The following SP4 variants were observed in gnomAD, a reference collection of about 807,000 sequenced individuals.
The protein encoded by SP4 is transcription factor Sp4.
In SP4, 19 loss-of-function variants were observed where a neutral mutation model predicts 72.8. The ratio of observed to expected loss-of-function variants is 0.26; its 90% CI spans 0.18 to 0.38. The LOEUF is 0.38. Among genes scored for constraint, SP4 ranks in the 10% least tolerant of loss-of-function variants. The pLI is 1.00. For missense variants in SP4, 1,008 were observed against 926.3 expected, an observed-to-expected ratio of 1.09 and a Z score of -1.14; for synonymous variants, 395 against 333.1, an observed-to-expected ratio of 1.19 and a Z score of -2.02.
chr7:21,441,567 A>G (rs918496157), intron 3 of SP4, among the ~76,000 whole-genome samples: 18 of 152,254 alleles, frequency 1.2e-4, no homozygotes, highest in Non-Finnish European at 2.6e-4. Context: ...ATTGAGTAAA[A>G]ATATTTGCAA....
At chr7:21,479,385 G>C (rs1040253251) in intron 4 of SP4, among the ~76,000 whole-genome samples, 6 of 151,954 alleles carry the variant, frequency 3.9e-5, no homozygotes, top group Non-Finnish European at 8.8e-5. Flanking sequence ...TTGTTGAAAA[G>C]ACTGTCCTTT....
intron 5 of SP4, among the ~76,000 whole-genome samples, chr7:21,488,073 C>T (rs78114309): frequency 0.035 from 5,347 of 152,056 alleles, 341 homozygotes; most frequent in East Asian, 0.25. Flanking sequence ...CAGTGTTGCC[C>T]AGGCTGGTGT....
At position 21,514,195 on chromosome 7, in the gene SP4, A is replaced by G. The variant is rs1412560495; in HGVS notation, c.*2926A>G. 1 of 152,752 alleles carries G rather than the reference A, an allele frequency of 6.5e-6. No homozygotes were observed. Among genetic ancestry groups the G allele is most frequent in the African/African-American group, 2.4e-5 (1 of 41,580 alleles). 9.5% of individuals were successfully genotyped at this position (152,752 alleles called of 1,614,324 possible). On this transcript the variant is annotated 3_prime_UTR_variant, in exon 6 of 6. Coordinates refer to ENST00000222584, the MANE Select transcript of SP4 (RefSeq NM_003112.5). ...ATTAGAACTTGATGTTAAGTCATTT[A>G]TCACACTCTCATGAGAGCAGTAATA... is the stretch of plus-strand genomic sequence containing the variant.
In SP4 at chr7:21,428,220, C is replaced by T; in HGVS notation, c.-32C>T. 6.1e-6 allele frequency: 6 copies of T among 984,084 alleles called. No homozygotes were observed. Among genetic ancestry groups the T allele is most frequent in the South Asian group, 1.3e-5 (1 of 74,164 alleles). 61.0% of individuals were successfully genotyped at this position (984,084 alleles called of 1,614,324 possible). A position where few individuals can be genotyped will look rare whatever the true frequency, so the allele number is the denominator to read the frequency against. ...CCCCCACCCACCTCTATCCCAGTGT[C>T]TCCGTCTGAGGGTTTGTCCTGTTAA... On this transcript the variant is annotated 5_prime_UTR_variant, in exon 1 of 6. Transcript: ENST00000222584.
chr7:21,485,575 A>G (rs981234767), intron 5 of SP4, among the ~76,000 whole-genome samples: 1 of 151,976 alleles, frequency 6.6e-6, no homozygotes, highest in Non-Finnish European at 1.5e-5. Context: ...TATACTATCT[A>G]TTGAGTTCTT....
At chr7:21,482,182 T>C in intron 5 of SP4, 59 bp downstream of exon 5, 1 of 1,363,750 alleles carries the variant, frequency 7.3e-7, no homozygotes, top group Non-Finnish European at 1.0e-6. Context: ...ACATGAAAAT[T>C]TTAGTGATAG....
At chr7:21,483,794 T>A (rs961343814) in intron 5 of SP4, among the ~76,000 whole-genome samples, 18 of 151,918 alleles carry the variant, frequency 1.2e-4, no homozygotes, top group African/African-American at 3.6e-4. Context: ...TTTCTTTATT[T>A]TTTTTTCTTT....
chr7:21,498,192 T>A (rs10258911), intron 5 of SP4, among the ~76,000 whole-genome samples: 3,319 of 152,118 alleles, frequency 0.022, 129 homozygotes, highest in African/African-American at 0.075. Flanking sequence ...AAATAAAAAC[T>A]GTAAAAAATA....
At chr7:21,470,841 A>T (rs1258609918) in intron 3 of SP4, among the ~76,000 whole-genome samples, 1 of 152,112 alleles carries the variant, frequency 6.6e-6, no homozygotes, top group Non-Finnish European at 1.5e-5. Flanking sequence ...ACCTCTGGTA[A>T]TGTGGAAGAA....
Position 21,506,403 on chromosome 7 carries a change from A to C in SP4, c.2108-4619A>C, listed in dbSNP as rs1410164256. 2.0e-5 allele frequency among the ~76,000 whole-genome samples: 3 copies of C among 152,176 alleles called. No homozygotes were observed. In the East Asian group the frequency reaches 5.8e-4, roughly 29 times the overall value. On this transcript the variant is annotated intron_variant, in intron 5 of 5. Transcript: ENST00000222584. ...AGGGGTATCACCTTTTCTTTTTTCC[A>C]TTTAGGACATCCTCTCTTCAAATGC...
intron 3 of SP4, among the ~76,000 whole-genome samples, chr7:21,439,189 T>C (rs1469418693): frequency 6.6e-6 from 1 of 152,234 alleles, no homozygotes; most frequent in Non-Finnish European, 1.5e-5. Context: ...ACAATGTGAT[T>C]ACTTTTTCTT....
In SP4 at chr7:21,429,656, A is replaced by G. The variant is rs756883588; in HGVS notation, c.491A>G (p.Gln164Arg). ...IQVQNPSGSV[Q>R]YQVIPQLQTV... is the part of the protein sequence containing the mutation. The stretch of plus-strand genomic sequence containing the variant: ...GTACAAAATCCAAGTGGTAGTGTAC[A>G]GTACCAAGTAATTCCACAACTTCAG... Residue 164 changes from glutamine (Q) to arginine (R), a missense_variant, in exon 3 of 6, where the codon CAG becomes CGG. Gln to Arg is a conservative substitution (Grantham distance 43, BLOSUM62 1). This residue lies in a region of SP4 where 893 missense variants were observed against 743.3 expected (regional missense o/e 1.20). Transcript: ENST00000222584. 7 of 1,614,046 alleles carry G rather than the reference A, an allele frequency of 4.3e-6. No homozygotes were observed. Among genetic ancestry groups the G allele is most frequent in the South Asian group, 1.1e-5 (1 of 91,090 alleles).
At chr7:21,494,230 A>G (rs1237989531) in intron 5 of SP4, among the ~76,000 whole-genome samples, 1 of 152,222 alleles carries the variant, frequency 6.6e-6, no homozygotes, top group African/African-American at 2.4e-5. Context: ...GGAACAAGGT[A>G]AAGACATCTG....
At chr7:21,459,842 C>T (rs1308844973) in intron 3 of SP4, among the ~76,000 whole-genome samples, 1 of 152,216 alleles carries the variant, frequency 6.6e-6, no homozygotes, top group African/African-American at 2.4e-5. Flanking sequence ...TAAGTCTAAG[C>T]ACAAGGCTAA....
rs560472861 is a variant in SP4, at chr7:21,462,591, G to A, written c.1679-14488G>A. Among the ~76,000 whole-genome samples, 4 of 152,022 alleles carry A rather than the reference G, an allele frequency of 2.6e-5. No individual in the cohort carries two copies. In the South Asian group the frequency reaches 6.2e-4, roughly 24 times the overall value. Reference sequence around the variant, plus strand: ...GTTTGTATCTGGAGATTGGTCCTGAGAAGAGATCAGAATCAGCAGTCTAGA... The same window carrying A: ...GTTTGTATCTGGAGATTGGTCCTGAAAAGAGATCAGAATCAGCAGTCTAGA... On this transcript the variant is annotated intron_variant, in intron 3 of 5. Transcript: ENST00000222584.
chr7:21,486,066 G>A (rs1784804930), intron 5 of SP4, among the ~76,000 whole-genome samples: 1 of 151,666 alleles, frequency 6.6e-6, no homozygotes, highest in Non-Finnish European at 1.5e-5. Flanking sequence ...GCTTAATTTG[G>A]TTGTTTGGCT....
intron 3 of SP4, among the ~76,000 whole-genome samples, chr7:21,447,282 CTT>C (rs1343857690): frequency 6.6e-6 from 1 of 152,180 alleles, no homozygotes; most frequent in Non-Finnish European, 1.5e-5. Flanking sequence ...AAACCCAATA[CTT>C]TATACCAAAG....
chr7:21,493,813 A>G (rs1785039301), intron 5 of SP4, among the ~76,000 whole-genome samples: 1 of 152,240 alleles, frequency 6.6e-6, no homozygotes, highest in South Asian at 2.1e-4. Context: ...AATAAGGAAC[A>G]CTTCTCAACT....
chr7:21,429,549 C>T lies in SP4; in HGVS notation c.384C>T (p.Ser128=), dbSNP rs1410732409. 1 of 1,614,114 alleles carries T rather than the reference C, an allele frequency of 6.2e-7. No homozygotes were observed. The highest frequency in any genetic ancestry group is 1.7e-5 in the Admixed American group (1 of 60,016). The change falls in exon 3 of 6, where the codon TCC becomes TCT. Residue 128 remains serine, a synonymous_variant. Transcript: ENST00000222584. ...SQPASSSSSS[S]SSNNGSASPT... The stretch of plus-strand genomic sequence containing the variant: ...CAGCCTCTAGTTCGTCTAGTTCTTC[C>T]AGCAGTAATAACGGGAGTGCATCTC...
Sources: gnomAD v4.1 joint callset for allele counts (sites outside exome capture counted in the v4.1 genomes callset) on GRCh38, gnomAD v4.1.1 for gene constraint, gnomAD v4.1.1 regional missense constraint, MANE v1.5 for transcripts, NCBI Gene and HGNC (gene_info 2026-07-23, HGNC 2026-07-21) for gene names.